Variants in ROBO2 observed in about 807,000 individuals in gnomAD.
ROBO2 encodes roundabout homolog 2.
Under a neutral mutation model 160.8 loss-of-function variants are expected in ROBO2, and 53 were observed. The observed-to-expected ratio is 0.33, with a 90% CI of 0.26 to 0.41. ROBO2 has a LOEUF of 0.41. Among genes scored for constraint, ROBO2 ranks in the 10% least tolerant of loss-of-function variants. The pLI, the probability that ROBO2 is intolerant of heterozygous loss-of-function variation, is 1.00. For synonymous variants in ROBO2, 664 were observed against 611.7 expected, an observed-to-expected ratio of 1.09 and a Z score of -1.26; for missense variants, 1,577 against 1,722.4, an observed-to-expected ratio of 0.92 and a Z score of 1.49.
At position 76,046,454 on chromosome 3, in the gene ROBO2, C is replaced by A. The variant is rs560509163; in HGVS notation, c.109+108852C>A. Among the ~76,000 whole-genome samples the A allele has an allele frequency of 2.0e-5, 3 of 152,058 alleles. No individual in the cohort carries two copies. In the South Asian group the frequency reaches 6.2e-4, roughly 32 times the overall value. ...CACAAGGTCAGGAGATCGAGACCAT[C>A]CCGGCTAACGCGGTGAAGCCCCGTC... On this transcript the variant is annotated intron_variant, in intron 2 of 26. Coordinates refer to the ROBO2 transcript ENST00000487694.
At chr3:75,999,054 A>G (rs1439375174) in intron 2 of ROBO2, among the ~76,000 whole-genome samples, 1 of 152,146 alleles carries the variant, frequency 6.6e-6, no homozygotes, top group East Asian at 1.9e-4. Context: ...TGAATAGTCA[A>G]ACAGCTTCTG....
At chr3:77,284,306 G>A (rs1321268477) in intron 2 of ROBO2, among the ~76,000 whole-genome samples, 1 of 151,970 alleles carries the variant, frequency 6.6e-6, no homozygotes, top group Non-Finnish European at 1.5e-5. Flanking sequence ...TATAACCTTG[G>A]GTAAGTTTTC....
intron 2 of ROBO2, among the ~76,000 whole-genome samples, chr3:76,679,309 A>G (rs1013609710): frequency 4.6e-5 from 7 of 152,132 alleles, no homozygotes; most frequent in East Asian, 1.9e-4. Flanking sequence ...TTAACATTTT[A>G]TAGACATTTA....
At chr3:76,287,590 G>T (rs754664218) in intron 2 of ROBO2, among the ~76,000 whole-genome samples, 1 of 152,032 alleles carries the variant, frequency 6.6e-6, no homozygotes, top group African/African-American at 2.4e-5. Flanking sequence ...ATGAGCCGCC[G>T]TGCCCGGCCC....
chr3:76,692,545 A>G (rs2092825385), intron 2 of ROBO2, among the ~76,000 whole-genome samples: 1 of 152,090 alleles, frequency 6.6e-6, no homozygotes, highest in South Asian at 2.1e-4. Flanking sequence ...GAACAATGAG[A>G]TTTACAATAT....
intron 2 of ROBO2, among the ~76,000 whole-genome samples, chr3:76,605,446 A>T (rs1384253374): frequency 6.6e-6 from 1 of 152,164 alleles, no homozygotes; most frequent in Non-Finnish European, 1.5e-5. Flanking sequence ...GCTAGAAAAC[A>T]TTTAAACAAG....
chr3:76,041,786 A>G (rs1037070992), intron 2 of ROBO2, among the ~76,000 whole-genome samples: 3 of 151,976 alleles, frequency 2.0e-5, no homozygotes, highest in African/African-American at 7.3e-5. Flanking sequence ...ATGACATTTT[A>G]TGTTGATTGA....
intron 2 of ROBO2, among the ~76,000 whole-genome samples, chr3:76,452,239 C>T (rs2077511804): frequency 6.6e-6 from 1 of 152,012 alleles, no homozygotes; most frequent in Non-Finnish European, 1.5e-5. Flanking sequence ...AGGTTACTTA[C>T]ATATGTATAC....
intron 2 of ROBO2, among the ~76,000 whole-genome samples, chr3:77,304,067 T>G (rs148535717): frequency 1.8e-4 from 28 of 152,214 alleles, no homozygotes; most frequent in African/African-American, 6.7e-4. Flanking sequence ...CCTATAAATA[T>G]TCTACCTCAT....
chr3:77,040,913 T>C, intron 1 of ROBO2, 67 bp downstream of exon 1: 6 of 1,519,474 alleles, frequency 3.9e-6, no homozygotes, highest in Non-Finnish European at 5.4e-6. Flanking sequence ...ACCATTTCTT[T>C]TTGAATTTGA....
intron 2 of ROBO2, among the ~76,000 whole-genome samples, chr3:76,634,979 TGCCTGATG>T (rs1301662846): frequency 6.6e-6 from 1 of 152,188 alleles, no homozygotes; most frequent in Non-Finnish European, 1.5e-5. Flanking sequence ...GACAATATAA[TGCCTGATG>T]ATCTGATGAT....
chr3:77,222,674 A>G (rs1040316113), intron 2 of ROBO2, among the ~76,000 whole-genome samples: 2 of 152,144 alleles, frequency 1.3e-5, no homozygotes, highest in Non-Finnish European at 2.9e-5. Context: ...TTACTATAAA[A>G]CTTTTCTTTA....
intron 2 of ROBO2, among the ~76,000 whole-genome samples, chr3:76,934,976 C>A (rs933090791): frequency 3.3e-5 from 2 of 60,260 alleles, no homozygotes; most frequent in African/African-American, 7.0e-5. Context: ...TTTTTTTAGA[C>A]CATCTCACTC....
chr3:77,123,689 A>G (rs1410802877), intron 2 of ROBO2, among the ~76,000 whole-genome samples: 4 of 129,846 alleles, frequency 3.1e-5, no homozygotes, highest in Non-Finnish European at 6.4e-5. Context: ...AGCAGCTTTC[A>G]TATATATATA....
intron 2 of ROBO2, among the ~76,000 whole-genome samples, chr3:76,466,724 G>T (rs2078381385): frequency 6.6e-6 from 1 of 151,890 alleles, no homozygotes; most frequent in South Asian, 2.1e-4. Flanking sequence ...TAGATACATA[G>T]GTTATATTGC....
chr3:77,152,269 G>A (rs879638247), intron 2 of ROBO2, among the ~76,000 whole-genome samples: 1 of 151,994 alleles, frequency 6.6e-6, no homozygotes, highest in African/African-American at 2.4e-5. Context: ...AATTTACTAG[G>A]TTCCATAGTA....
chr3:76,007,638 T>C (rs1005751850), intron 2 of ROBO2, among the ~76,000 whole-genome samples: 3 of 152,170 alleles, frequency 2.0e-5, no homozygotes, highest in Non-Finnish European at 4.4e-5. Context: ...TAGGAGTATA[T>C]TGGAAATTAT....
In ROBO2 at chr3:77,418,228, T is replaced by G. The variant is rs192063444; in HGVS notation, c.389-59186T>G. The stretch of plus-strand genomic sequence containing the variant: ...TCTTCAAATTGATATCAACTGTGTT[T>G]AGCATGGATAGGTACTTTGCTTGAG... On this transcript the variant is annotated intron_variant, in intron 2 of 25. Transcript: ENST00000461745. 2.0e-5 allele frequency among the ~76,000 whole-genome samples: 3 copies of G among 152,290 alleles called. No individual in the cohort carries two copies. In the East Asian group the frequency reaches 5.8e-4, roughly 29 times the overall value.
At chr3:77,161,451 T>TACAC (rs910942326) in intron 2 of ROBO2, among the ~76,000 whole-genome samples, 39 of 152,360 alleles carry the variant, frequency 2.6e-4, no homozygotes, top group African/African-American at 9.4e-4. Flanking sequence ...CAAATGTGTG[T>TACAC]ACACACTCTT....
Sources: gnomAD v4.1 joint callset for allele counts (sites outside exome capture counted in the v4.1 genomes callset) on GRCh38, gnomAD v4.1.1 for gene constraint, MANE v1.5 for transcripts, NCBI Gene and HGNC (gene_info 2026-07-23, HGNC 2026-07-21) for gene names.